The following TANK variants were observed in gnomAD, a reference collection of about 807,000 sequenced individuals.
TANK encodes TRAF family member-associated NF-kappa-B activator.
A neutral mutation model predicts 43.6 loss-of-function variants in TANK; 15 were observed. That is an observed-to-expected ratio of 0.34 (90% CI 0.23 to 0.53). The LOEUF is 0.53. Among genes scored for constraint, TANK ranks in the 20% least tolerant of loss-of-function variants. The pLI is 0.94. For missense variants in TANK, 417 were observed against 498.6 expected (o/e 0.84, Z 1.56); for synonymous variants, 162 against 178.2 (o/e 0.91, Z 0.73).
chr2:161,174,083 TTA>T (rs1357579574), intron 1 of TANK, among the ~76,000 whole-genome samples: 2 of 152,136 alleles, frequency 1.3e-5, no homozygotes, highest in Non-Finnish European at 2.9e-5. Context: ...ATAACATATC[TTA>T]TATATATGGT....
rs1686039166 is a variant in TANK, at chr2:161,194,100, C to G, written c.100-9387C>G. Among the ~76,000 whole-genome samples, 3 of 152,142 alleles carry G rather than the reference C, an allele frequency of 2.0e-5. No homozygotes were observed. In the South Asian group the frequency reaches 6.2e-4, roughly 31 times the overall value. The stretch of plus-strand genomic sequence containing the variant: ...AAATTTCTATTGCTTCTTTGACCAT[C>G]TTTCCAAGAGTAGAATCAGTAATAA... On this transcript the variant is annotated intron_variant, in intron 2 of 7. Coordinates refer to ENST00000392749, the MANE Select transcript of TANK (RefSeq NM_001199135.3).
chr2:161,235,584 CT>C lies in TANK; in HGVS notation c.*68del, dbSNP rs1688140104. On this transcript the variant is annotated 3_prime_UTR_variant, in exon 8 of 8. Transcript: ENST00000392749. ...TTTTGGGTTTTTAATACTATAAATACTTGATTGTAAACTAAATTCAAGATCA... is the reference window on the plus strand; with the variant it reads ...TTTTGGGTTTTTAATACTATAAATACTGATTGTAAACTAAATTCAAGATCA... 1 of 1,250,418 alleles carries C rather than the reference CT, an allele frequency of 8.0e-7. No individual in the cohort carries two copies. 77.5% of individuals were successfully genotyped at this position (1,250,418 alleles called of 1,614,324 possible).
intron 4 of TANK, chr2:161,211,956 T>C: frequency 1.0e-6 from 1 of 964,568 alleles, no homozygotes; most frequent in Non-Finnish European, 1.2e-6. Flanking sequence ...AGACTAGCCT[T>C]TTTTATAGAC....
intron 4 of TANK, among the ~76,000 whole-genome samples, chr2:161,206,337 A>C (rs1686651691): frequency 6.6e-6 from 1 of 152,168 alleles, no homozygotes; most frequent in Non-Finnish European, 1.5e-5. Context: ...ACGAACTCCT[A>C]GCAAATAAGG....
intron 1 of TANK, chr2:161,160,698 G>T: frequency 1.9e-6 from 1 of 514,836 alleles, no homozygotes. Flanking sequence ...ACTCCTTGTG[G>T]GTTGGTTTCC....
intron 1 of TANK, chr2:161,161,043 TG>T: frequency 1.8e-6 from 1 of 563,308 alleles, no homozygotes; most frequent in Non-Finnish European, 3.0e-6. Flanking sequence ...ACGGAGGGAG[TG>T]GGTGGCCAAG....
At chr2:161,175,353 A>T (rs1163302862) in intron 1 of TANK, among the ~76,000 whole-genome samples, 2 of 152,216 alleles carry the variant, frequency 1.3e-5, no homozygotes, top group Non-Finnish European at 2.9e-5. Context: ...CTTTATAGCT[A>T]TAGATAAGTC....
intron 2 of TANK, chr2:161,200,358 T>C (rs1686347948): frequency 1.0e-6 from 1 of 985,108 alleles, no homozygotes; most frequent in East Asian, 1.1e-4. Flanking sequence ...AAAAGGACTT[T>C]TCTGGTTTTA....
rs116133914 is a variant in TANK at position 161,169,111 on chromosome 2, A to G, written c.-50+8625A>G. Among the ~76,000 whole-genome samples, 1,461 of 152,340 alleles carry G rather than the reference A, an allele frequency of 9.6e-3. 16 individuals are homozygous for G. Among genetic ancestry groups the G allele is most frequent in the African/African-American group, 0.022 (908 of 41,580 alleles). On this transcript the variant is annotated intron_variant, in intron 1 of 7. Coordinates refer to ENST00000392749, the MANE Select transcript of TANK (RefSeq NM_001199135.3). ...CAGGAGACTGAAAATGAGGGATTCA[A>G]TTAAAGAAAGAGATGGACAAAGGGT...
intron 1 of TANK, among the ~76,000 whole-genome samples, chr2:161,164,219 A>G (rs934779187): frequency 1.3e-5 from 2 of 152,226 alleles, no homozygotes; most frequent in African/African-American, 4.8e-5. Context: ...AAGCTTCGCT[A>G]TTTCGATGCT....
intron 2 of TANK, among the ~76,000 whole-genome samples, chr2:161,199,587 T>C (rs1574025472): frequency 6.6e-6 from 1 of 152,232 alleles, no homozygotes; most frequent in Non-Finnish European, 1.5e-5. Flanking sequence ...GAGGAAATAC[T>C]GAAATTTTGC....
At chr2:161,187,630 G>A (rs1245919355) in intron 2 of TANK, among the ~76,000 whole-genome samples, 1 of 152,108 alleles carries the variant, frequency 6.6e-6, no homozygotes, top group Non-Finnish European at 1.5e-5. Context: ...GAGAATTAAA[G>A]TATTATACTT....
At chr2:161,208,624 A>T (rs1686750615) in intron 4 of TANK, among the ~76,000 whole-genome samples, 1 of 152,098 alleles carries the variant, frequency 6.6e-6, no homozygotes, top group Non-Finnish European at 1.5e-5. Flanking sequence ...AGGGTCTCTT[A>T]TGTTGAAGTC....
rs567358633 is a variant in TANK, at chr2:161,173,636, CT to C, written c.-49-5968del. Among the ~76,000 whole-genome samples, 458 of 149,138 alleles carry C rather than the reference CT, an allele frequency of 3.1e-3. 4 individuals carry two copies. Among genetic ancestry groups the C allele is most frequent in the African/African-American group, 0.011 (429 of 40,732 alleles). On this transcript the variant is annotated intron_variant, in intron 1 of 7. Coordinates refer to ENST00000392749, the MANE Select transcript of TANK (RefSeq NM_001199135.3). ...GACCTCTGTGAAGATGTGCCCAGAC[CT>C]TTTTTTTTTAAACATTTATAATTGA...
intron 1 of TANK, among the ~76,000 whole-genome samples, chr2:161,154,557 G>C (rs1684170346): frequency 1.3e-5 from 2 of 152,172 alleles, no homozygotes; most frequent in African/African-American, 4.8e-5. Context: ...CAACGGGTAG[G>C]AATGGAGATA....
At chr2:161,232,714 T>C in intron 7 of TANK, 1 of 1,546,428 alleles carries the variant, frequency 6.5e-7, no homozygotes. Flanking sequence ...ATTATATGTC[T>C]TGCTTGTTCT....
chr2:161,139,970 G>A, intron 1 of TANK: 1 of 942,718 alleles, frequency 1.1e-6, no homozygotes, highest in Non-Finnish European at 1.3e-6. Context: ...AAAGAGAAAT[G>A]TTTGAAATTT....
At chr2:161,223,379 A>T (rs1687450608) in intron 4 of TANK, 1 of 152,110 alleles carries the variant, frequency 6.6e-6, no homozygotes, top group Non-Finnish European at 1.5e-5. Flanking sequence ...TTAAATACAT[A>T]ATTGCACCAT....
chr2:161,214,211 T>A (rs1687024694), intron 4 of TANK, among the ~76,000 whole-genome samples: 3 of 152,190 alleles, frequency 2.0e-5, no homozygotes, highest in African/African-American at 7.2e-5. Flanking sequence ...CATGACAGGC[T>A]AACTTCATTT....
Sources: gnomAD v4.1 joint callset for allele counts (sites outside exome capture counted in the v4.1 genomes callset) on GRCh38, gnomAD v4.1.1 for gene constraint, MANE v1.5 for transcripts, NCBI Gene and HGNC (gene_info 2026-07-23, HGNC 2026-07-21) for gene names.